AATK: variants seen among roughly 807,000 people sequenced by gnomAD.
AATK encodes the protein lemur tail kinase 1, also known as serine/threonine-protein kinase LMTK1.
AATK carries 91 observed loss-of-function variants against 114.3 expected under a neutral mutation model. The ratio of observed to expected loss-of-function variants is 0.80; its 90% CI spans 0.67 to 0.95. The LOEUF (loss-of-function observed/expected upper bound fraction) is 0.95. Ranked by LOEUF, AATK falls within the 40% of genes least tolerant of loss-of-function variation. The pLI is 0.00. For missense variants in AATK, 2,176 were observed against 1,965.2 expected, an observed-to-expected ratio of 1.11 and a Z score of -2.03; for synonymous variants, 1,075 against 916.5, an observed-to-expected ratio of 1.17 and a Z score of -3.12.
chr17:81,127,554 C>A, intron 6 of AATK, 29 bp downstream of exon 6: 1 of 1,570,576 alleles, frequency 6.4e-7, no homozygotes, highest in Non-Finnish European at 8.6e-7. Flanking sequence ...TCAGCAAAGA[C>A]CCCAGCATCC....
chr17:81,119,892 C>A (rs2060675395), intron 12 of AATK, 44 bp downstream of exon 12: 1 of 1,410,542 alleles, frequency 7.1e-7, no homozygotes. Flanking sequence ...CGGACCAGGC[C>A]CTGCCTCCCG....
At chr17:81,140,735 G>A (rs2061114657) in intron 1 of AATK, among the ~76,000 whole-genome samples, 1 of 103,702 alleles carries the variant, frequency 9.6e-6, no homozygotes, top group African/African-American at 3.9e-5. Context: ...GTGAGCCGTG[G>A]GGCCGGGAGA....
chr17:81,126,923 C>T lies in AATK; in HGVS notation c.622-363G>A. On this transcript the variant is annotated intron_variant, in intron 6 of 13. Transcript: ENST00000326724. The surrounding 1 kb of genome is among the most constrained non-coding windows in gnomAD (Gnocchi z 5.1). ...GCCCCTGACCTGCCGAAAGCCCAGC[C>T]CCGGGACGGTCAACGTCAGGAGTCC... is the stretch of plus-strand genomic sequence containing the variant. 2.0e-6 allele frequency: 2 copies of T among 987,484 alleles called. No homozygotes were observed. The highest frequency in any genetic ancestry group is 2.5e-6 in the Non-Finnish European group (2 of 794,408). 61.2% of individuals were successfully genotyped at this position (987,484 alleles called of 1,614,324 possible). A position where few individuals can be genotyped will look rare whatever the true frequency, so the allele number is the denominator to read the frequency against.
Position 81,164,140 on chromosome 17 carries a change from C to T in AATK, c.55+1798G>A, listed in dbSNP as rs145093015. Among the ~76,000 whole-genome samples the T allele has an allele frequency of 2.2e-3, 339 of 152,374 alleles. 1 individual carries two copies. Among genetic ancestry groups the T allele is most frequent in the African/African-American group, 7.5e-3 (311 of 41,596 alleles). ...TCACCAAGCACTGAGCCCACCCGGGCCTGCCACAGGTACTGTCGGCCCATG... is the reference window on the plus strand; with the variant it reads ...TCACCAAGCACTGAGCCCACCCGGGTCTGCCACAGGTACTGTCGGCCCATG... On this transcript the variant is annotated intron_variant, in intron 1 of 13. Transcript: ENST00000326724.
rs56404732 is a variant in AATK at position 81,134,425 on chromosome 17, G to T, written c.132C>A (p.Ala44=). Reference sequence around the variant, plus strand: ...GGCAGGCCAGCATGAGGACGATGACGGCGAAGAGCCCGGAGAAAGACACAG... The same window carrying T: ...GGCAGGCCAGCATGAGGACGATGACTGCGAAGAGCCCGGAGAAAGACACAG... ...VVAVSFSGLF[A]VIVLMLACLC... Residue 44 remains alanine, a synonymous_variant, in exon 2 of 14, where the codon GCC becomes GCA. Transcript: ENST00000326724. 56 of 1,613,272 alleles carry T rather than the reference G, an allele frequency of 3.5e-5. No individual in the cohort carries two copies. In the East Asian group the frequency reaches 1.1e-3, roughly 32 times the overall value.
At chr17:81,128,072 C>T (rs1454738978) in intron 4 of AATK, among the ~76,000 whole-genome samples, 162 bp from the exon 5 acceptor site, 2 of 152,152 alleles carry the variant, frequency 1.3e-5, no homozygotes, top group Non-Finnish European at 2.9e-5. Flanking sequence ...CTTCCGGATC[C>T]CTCCCGGCAA....
rs761538299 is a variant in AATK at position 81,145,234 on chromosome 17, C to CAAAA, written c.56-10737_56-10734dup. Among the ~76,000 whole-genome samples the CAAAA allele has an allele frequency of 1.0e-3, 126 of 121,146 alleles. 2 individuals are homozygous for CAAAA. Among genetic ancestry groups the CAAAA allele is most frequent in the Middle Eastern group, 4.3e-3 (1 of 232 alleles). The allele number at this position is 121,146 out of a possible 152,430, so 79.5% of individuals were successfully genotyped here. A position where few individuals can be genotyped will look rare whatever the true frequency, so the allele number is the denominator to read the frequency against. On this transcript the variant is annotated intron_variant, in intron 1 of 13. Transcript: ENST00000326724. Reference sequence around the variant, plus strand: ...GGCTATCGATAGAGTGAGACTCCATCAAAAAAAAAAAAAAAAGAAAAAGAA... The same window carrying CAAAA: ...GGCTATCGATAGAGTGAGACTCCATCAAAAAAAAAAAAAAAAAAAAGAAAAAGAA...
intron 1 of AATK, among the ~76,000 whole-genome samples, chr17:81,138,354 C>T (rs549623879): frequency 3.7e-4 from 55 of 150,268 alleles, no homozygotes; most frequent in Non-Finnish European, 7.1e-4. Flanking sequence ...CACATACCCA[C>T]GCACACACAC....
Position 81,166,021 on chromosome 17 carries a change from G to C in AATK, c.-29C>G. 1.3e-6 allele frequency: 2 copies of C among 1,529,890 alleles called. No individual in the cohort carries two copies. The highest frequency in any genetic ancestry group is 1.8e-6 in the Non-Finnish European group (2 of 1,139,438). The allele number at this position is 1,529,890 out of a possible 1,614,324, so 94.8% of individuals were successfully genotyped here. A position where few individuals can be genotyped will look rare whatever the true frequency, so the allele number is the denominator to read the frequency against. ...CGGGCCAGCGGCCGGCGGGCATCCC[G>C]GGAGGGCGCTGCGCTCAGGACGCCC... On this transcript the variant is annotated 5_prime_UTR_variant, in exon 1 of 14. Coordinates refer to ENST00000326724, the MANE Select transcript of AATK (RefSeq NM_001080395.3).
intron 3 of AATK, 83 bp from the exon 4 acceptor site, chr17:81,128,632 C>T (rs1283675088): frequency 7.8e-6 from 12 of 1,535,554 alleles, no homozygotes; most frequent in South Asian, 2.4e-5. Context: ...AGGGGCTGCC[C>T]GCTTGGCCTT....
At chr17:81,130,207 G>T (rs931692324) in intron 3 of AATK, among the ~76,000 whole-genome samples, 4 of 152,212 alleles carry the variant, frequency 2.6e-5, no homozygotes, top group African/African-American at 9.7e-5. Context: ...CCACTGGCCT[G>T]ATACCCCTCC....
At position 81,126,737 on chromosome 17, in the gene AATK, G is replaced by C. The variant is rs574223675; in HGVS notation, c.622-177C>G. 10 of 1,416,530 alleles carry C rather than the reference G, an allele frequency of 7.1e-6. No individual in the cohort carries two copies. The African/African-American group carries it at 1.3e-4, about 18-fold the overall frequency. The allele number at this position is 1,416,530 out of a possible 1,614,324, so 87.7% of individuals were successfully genotyped here. On this transcript the variant is annotated intron_variant, in intron 6 of 13. Coordinates refer to ENST00000326724, the MANE Select transcript of AATK (RefSeq NM_001080395.3). The surrounding 1 kb of genome is among the most constrained non-coding windows in gnomAD (Gnocchi z 5.1). ...ACCCAGCAGTTCCTGGAGGGGGGCC[G>C]TGTCCCCCAGGGCTGGGCTGGACTG... is the stretch of plus-strand genomic sequence containing the variant.
At chr17:81,140,935 A>AGCCG (rs1567819927) in intron 1 of AATK, among the ~76,000 whole-genome samples, 26 of 50,936 alleles carry the variant, frequency 5.1e-4, no homozygotes, top group South Asian at 3.7e-3. Context: ...CCGTGGGACC[A>AGCCG]TGGGGCCGTG....
chr17:81,136,676 G>A (rs541171364), intron 1 of AATK, among the ~76,000 whole-genome samples: 78 of 152,318 alleles, frequency 5.1e-4, no homozygotes, highest in African/African-American at 1.3e-3. Context: ...TCAGCACCAC[G>A]TGCTGACTCA....
Position 81,123,288 on chromosome 17 carries a change from G to A in AATK, c.1018C>T (p.Gln340Ter). 2 of 1,407,402 alleles carry A rather than the reference G, an allele frequency of 1.4e-6. No individual in the cohort carries two copies. The highest frequency in any genetic ancestry group is 1.9e-6 in the Non-Finnish European group (2 of 1,080,094). The allele number at this position is 1,407,402 out of a possible 1,614,324, so 87.2% of individuals were successfully genotyped here. The change falls in exon 10 of 14, where the codon CAG (glutamine) becomes TAG (stop). Residue 340 changes from glutamine (Q) to a stop codon, truncating the protein, a stop_gained. Coordinates refer to ENST00000326724, the MANE Select transcript of AATK (RefSeq NM_001080395.3). LOFTEE classifies it high-confidence loss of function. ...LFELGTQPYP[Q>*]HSDQQVLAYT... ...GCCAGCACCTGCTGGTCCGAGTGCT[G>A]GGGATAGGGCTGCGTGCCCAGCTCA...
intron 1 of AATK, among the ~76,000 whole-genome samples, chr17:81,141,575 G>A (rs2061139164): frequency 1.3e-5 from 2 of 152,240 alleles, no homozygotes; most frequent in Admixed American, 1.3e-4. Context: ...GGGCTCCCCA[G>A]CAAAGCCTCT....
intron 1 of AATK, among the ~76,000 whole-genome samples, chr17:81,158,969 A>G (rs548549517): frequency 6.6e-6 from 1 of 152,272 alleles, no homozygotes; most frequent in South Asian, 2.1e-4. Flanking sequence ...TCAGGGCCCA[A>G]AGAGGACAAG....
rs181227418 is a variant in AATK at position 81,134,477 on chromosome 17, G to A, written c.80C>T (p.Ser27Phe). The A allele has an allele frequency of 1.2e-6, 2 of 1,612,924 alleles. No homozygotes were observed. Among genetic ancestry groups the A allele is most frequent in the East Asian group, 2.2e-5 (1 of 44,870 alleles). ...DPDGAPLSEL[S>F]WPSSLAVVAV... The stretch of plus-strand genomic sequence containing the variant: ...CACCACGGCGAGGGAGGATGGCCAG[G>A]ACAGCTCGCTGAGCGGGGCGCCGTC... Residue 27 changes from serine (S) to phenylalanine (F), a missense_variant, in exon 2 of 14, where the codon TCC becomes TTC. Ser to Phe is a radical substitution (Grantham distance 155, BLOSUM62 -2). Around this residue, in one of 4 missense-constraint regions of AATK, gnomAD observed 178 missense variants for 175.4 expected, o/e 1.01. Transcript: ENST00000326724.
Position 81,117,446 on chromosome 17 carries a change from C to CCAA in AATK, c.*953_*955dup, listed in dbSNP as rs1302708720. 1.3e-5 allele frequency: 2 copies of CCAA among 152,288 alleles called. No homozygotes were observed. The highest frequency in any genetic ancestry group is 6.5e-5 in the Admixed American group (1 of 15,284). 9.4% of individuals were successfully genotyped at this position (152,288 alleles called of 1,614,324 possible). A position where few individuals can be genotyped will look rare whatever the true frequency, so the allele number is the denominator to read the frequency against. On this transcript the variant is annotated 3_prime_UTR_variant, in exon 14 of 14. Transcript: ENST00000326724. The stretch of plus-strand genomic sequence containing the variant: ...TTTGGCAACAATAACTTAAAATCAC[C>CCAA]CAACTTCCATTCGCTCCAACCACAG...
Sources: gnomAD v4.1 joint callset for allele counts (sites outside exome capture counted in the v4.1 genomes callset) on GRCh38, gnomAD v4.1.1 for gene constraint, gnomAD v4.1.1 regional missense constraint, Gnocchi (gnomAD v3.1) non-coding constraint, MANE v1.5 for transcripts, NCBI Gene and HGNC (gene_info 2026-07-23, HGNC 2026-07-21) for gene names.